The following KLHL13 variants were observed in gnomAD, a reference collection of about 807,000 sequenced individuals.
KLHL13 encodes the protein kelch like family member 13.
A neutral mutation model predicts 37.1 loss-of-function variants in KLHL13; 10 were observed. The ratio of observed to expected loss-of-function variants is 0.27; its 90% CI spans 0.17 to 0.46. KLHL13 has a LOEUF of 0.46. Ranked by LOEUF, KLHL13 falls within the 20% of genes least tolerant of loss-of-function variation. The pLI is 1.00. For missense variants in KLHL13, 360 were observed against 509.3 expected, an observed-to-expected ratio of 0.71 and a Z score of 2.82; for synonymous variants, 163 against 181.2, an observed-to-expected ratio of 0.90 and a Z score of 0.81.
At chrX:117,988,961 A>C (rs1173963287) in intron 1 of KLHL13, among the ~76,000 whole-genome samples, 1 of 112,063 alleles carries the variant, frequency 8.9e-6, no homozygotes, top group East Asian at 2.8e-4. Flanking sequence ...AGAATTTGAA[A>C]GGGCCAAGAT....
At chrX:118,078,056 T>C (rs1191146082) in intron 1 of KLHL13, among the ~76,000 whole-genome samples, 2 of 112,114 alleles carry the variant, frequency 1.8e-5, no homozygotes, top group South Asian at 3.7e-4. Flanking sequence ...ACAACTTTTG[T>C]TTTAAAAGTT....
intron 1 of KLHL13, among the ~76,000 whole-genome samples, chrX:118,094,414 T>C (rs973212112): frequency 1.5e-4 from 17 of 111,251 alleles, no homozygotes; most frequent in African/African-American, 4.9e-4. Flanking sequence ...CTACGTCTGA[T>C]TGGTGTACCT....
At chrX:118,096,370 C>A (rs934031940) in intron 1 of KLHL13, among the ~76,000 whole-genome samples, 2 of 111,745 alleles carry the variant, frequency 1.8e-5, no homozygotes, top group African/African-American at 3.3e-5. Context: ...CCTCCCACGA[C>A]TAAACCAGGA....
At chrX:117,991,121 A>C (rs2053783664) in intron 1 of KLHL13, among the ~76,000 whole-genome samples, 1 of 103,360 alleles carries the variant, frequency 9.7e-6, no homozygotes, top group African/African-American at 4.0e-5. Context: ...AAAGGCTGGA[A>C]ATTTTCATTA....
At chrX:118,031,947 G>A (rs1252741441) in intron 1 of KLHL13, among the ~76,000 whole-genome samples, 35 of 110,162 alleles carry the variant, frequency 3.2e-4, no homozygotes, top group African/African-American at 8.9e-4. Context: ...AGGGGTCAGG[G>A]TGTTCCCTTT....
intron 2 of KLHL13, among the ~76,000 whole-genome samples, chrX:117,938,615 C>T (rs5956817): frequency 0.25 from 27,855 of 110,837 alleles, 5,777 homozygotes; most frequent in African/African-American, 0.7. Context: ...AATCATTGTT[C>T]GGTTTCTAGT....
intron 1 of KLHL13, among the ~76,000 whole-genome samples, chrX:118,051,450 A>G (rs1470971590): frequency 4.6e-5 from 5 of 109,762 alleles, no homozygotes; most frequent in African/African-American, 1.7e-4. Flanking sequence ...CCGAGGCAGG[A>G]GAATGGCATG....
At chrX:117,975,637 C>T (rs186021857), upstream of KLHL13, among the ~76,000 whole-genome samples, 4 of 112,079 alleles carry the variant, frequency 3.6e-5, no homozygotes, top group Admixed American at 9.5e-5. Context: ...GTGATCCACC[C>T]GACTTGGCCT....
intron 1 of KLHL13, among the ~76,000 whole-genome samples, chrX:117,968,143 C>G (rs767492491): frequency 1.9e-5 from 2 of 107,079 alleles, no homozygotes; most frequent in Non-Finnish European, 3.9e-5. Flanking sequence ...GAGAAGACGC[C>G]TAAGCGTGTA....
intron 1 of KLHL13, among the ~76,000 whole-genome samples, chrX:118,083,793 A>T (rs781082361): frequency 8.9e-6 from 1 of 111,985 alleles, no homozygotes; most frequent in South Asian, 3.8e-4. Flanking sequence ...TGATCATTAC[A>T]TAATGTATAT....
At chrX:117,953,248 C>A (rs1933726494) in intron 1 of KLHL13, among the ~76,000 whole-genome samples, 2 of 110,907 alleles carry the variant, frequency 1.8e-5, no homozygotes, top group Non-Finnish European at 3.8e-5. Flanking sequence ...AGTTCATGTC[C>A]TTTGTAGGGA....
chrX:118,030,960 GC>G (rs933213038), intron 1 of KLHL13, among the ~76,000 whole-genome samples: 1 of 111,868 alleles, frequency 8.9e-6, no homozygotes, highest in Non-Finnish European at 1.9e-5. Flanking sequence ...CTCCTACTGT[GC>G]CTGGATTTCT....
At chrX:118,079,532 G>A (rs934679227) in intron 1 of KLHL13, among the ~76,000 whole-genome samples, 8 of 109,970 alleles carry the variant, frequency 7.3e-5, no homozygotes, top group African/African-American at 2.3e-4. Flanking sequence ...GAACACAATC[G>A]TATTTACAAT....
Position 118,028,481 on chromosome X carries a change from A to G in KLHL13, c.-55-82906T>C, listed in dbSNP as rs1179801550. ...TCTATGCAGATGATCCATCACCTCT[A>G]AAAGTTGGATAATGACCTGTTCAGG... is the stretch of plus-strand genomic sequence containing the variant. On this transcript the variant is annotated intron_variant, in intron 1 of 6. Coordinates refer to the KLHL13 transcript ENST00000371882. 4 of 1,096,393 alleles carry G rather than the reference A, an allele frequency of 3.6e-6. No homozygotes were observed. The South Asian group carries it at 7.9e-5, about 22-fold the overall frequency. 90.4% of individuals were successfully genotyped at this position (1,096,393 alleles called of 1,213,427 possible).
chrX:118,044,433 G>A (rs865839120), intron 1 of KLHL13, among the ~76,000 whole-genome samples: 24 of 82,807 alleles, frequency 2.9e-4, no homozygotes, highest in Middle Eastern at 6.0e-3. Context: ...TTACTCTGAG[G>A]AAAAAAAAAA....
intron 1 of KLHL13, among the ~76,000 whole-genome samples, chrX:118,107,045 C>G (rs1251569380): frequency 2.7e-5 from 3 of 111,698 alleles, no homozygotes; most frequent in African/African-American, 9.8e-5. Flanking sequence ...GACTTAAAAT[C>G]TGGAACAATT....
intron 1 of KLHL13, among the ~76,000 whole-genome samples, chrX:117,968,021 C>T (rs2053465648): frequency 9.0e-6 from 1 of 111,724 alleles, no homozygotes; most frequent in Non-Finnish European, 1.9e-5. Flanking sequence ...CTATTTGGGC[C>T]CCATGTGGAG....
chrX:118,028,824 G>C (rs1170999659), intron 1 of KLHL13, among the ~76,000 whole-genome samples: 1 of 111,594 alleles, frequency 9.0e-6, no homozygotes, highest in African/African-American at 3.3e-5. Flanking sequence ...GCCTTCTGCA[G>C]TTCAAAAAAT....
At chrX:118,071,696 A>C (rs866538613) in intron 1 of KLHL13, among the ~76,000 whole-genome samples, 1 of 107,039 alleles carries the variant, frequency 9.3e-6, no homozygotes, top group African/African-American at 3.4e-5. Flanking sequence ...CAGACAAACA[A>C]AGAGCCAAAT....
Sources: allele counts gnomAD v4.1 joint callset (sites outside exome capture counted in the v4.1 genomes callset), GRCh38; gene constraint gnomAD v4.1.1; transcripts MANE v1.5; gene names NCBI Gene and HGNC (gene_info 2026-07-23, HGNC 2026-07-21).